RTP2: variants seen among roughly 807,000 people sequenced by gnomAD.
The protein encoded by RTP2 is receptor transporter protein 2, also known as receptor-transporting protein 2.
In RTP2, 12 loss-of-function variants were observed where a neutral mutation model predicts 17.9. That is an observed-to-expected ratio of 0.67 (90% CI 0.43 to 1.09). The LOEUF is 1.09. Ranked by LOEUF, RTP2 falls within the 50% of genes least tolerant of loss-of-function variation. The pLI is 0.00. For missense variants in RTP2, 327 were observed against 295.7 expected, an observed-to-expected ratio of 1.11 and a Z score of -0.78; for synonymous variants, 126 against 117.7, an observed-to-expected ratio of 1.07 and a Z score of -0.46.
intron 1 of RTP2, 132 bp downstream of exon 1, chr3:187,701,833 G>C: frequency 2.6e-6 from 2 of 772,190 alleles, no homozygotes; most frequent in South Asian, 4.8e-5. Context: ...CCAGCCGGCT[G>C]TCTTTGTCTT....
At chr3:187,698,774 A>G (rs749760843) in exon 2 of RTP2, 99 of 1,613,832 alleles carry the variant, frequency 6.1e-5, no homozygotes, top group Middle Eastern at 1.6e-4. Flanking sequence ...GGTACTGGCC[A>G]CCATCCTCCT....
At chr3:187,713,550 C>A in the RTP2 span, among the ~76,000 whole-genome samples, 15 of 152,162 alleles carry the variant, frequency 9.9e-5, no homozygotes, top group African/African-American at 3.6e-4. Context: ...GCTTTAGATA[C>A]CCTCTAGAGG....
At chr3:187,703,029 A>G (rs1368929669), upstream of RTP2, among the ~76,000 whole-genome samples, 2 of 152,078 alleles carry the variant, frequency 1.3e-5, no homozygotes, top group Non-Finnish European at 2.9e-5. Context: ...TGCCTCCATT[A>G]CTGCTGAGCT....
upstream of RTP2, among the ~76,000 whole-genome samples, chr3:187,705,624 G>A (rs935314593): frequency 1.2e-4 from 19 of 152,306 alleles, 1 homozygote; most frequent in Middle Eastern, 3.4e-3. Flanking sequence ...AGTCTCTCAC[G>A]ATAAATAGAA....
intron 1 of RTP2, among the ~76,000 whole-genome samples, chr3:187,701,111 A>C (rs988421867): frequency 9.8e-5 from 15 of 152,298 alleles, no homozygotes; most frequent in African/African-American, 3.6e-4. Flanking sequence ...CTTGAATCCA[A>C]GGACACAGGA....
At chr3:187,704,034 A>G (rs1238183621), upstream of RTP2, among the ~76,000 whole-genome samples, 1 of 152,232 alleles carries the variant, frequency 6.6e-6, no homozygotes, top group Non-Finnish European at 1.5e-5. Flanking sequence ...ATCTTATTCC[A>G]GAACCCACGA....
chr3:187,700,788 C>A (rs1717824889), intron 1 of RTP2, among the ~76,000 whole-genome samples: 1 of 152,214 alleles, frequency 6.6e-6, no homozygotes, highest in South Asian at 2.1e-4. Flanking sequence ...GTACACACAG[C>A]TAGTTAGAGG....
the RTP2 span, among the ~76,000 whole-genome samples, chr3:187,712,270 G>C: frequency 2.1e-4 from 32 of 152,150 alleles, no homozygotes; most frequent in East Asian, 6.0e-3. Flanking sequence ...CTTGCAGAAG[G>C]GTACACAGGA....
At chr3:187,713,357 G>A in the RTP2 span, among the ~76,000 whole-genome samples, 428 of 152,342 alleles carry the variant, frequency 2.8e-3, 4 homozygotes, top group African/African-American at 9.8e-3. Context: ...GTACACAAAT[G>A]TTACCAGTGG....
At chr3:187,715,112 C>T in the RTP2 span, among the ~76,000 whole-genome samples, 1 of 152,282 alleles carries the variant, frequency 6.6e-6, no homozygotes, top group Non-Finnish European at 1.5e-5. Flanking sequence ...TGTCCTGAGA[C>T]TCCTAGGAGG....
exon 1 of RTP2, chr3:187,702,262 C>A: frequency 1.2e-6 from 1 of 840,790 alleles, no homozygotes; most frequent in Non-Finnish European, 1.9e-6. Flanking sequence ...CAGGACCCAG[C>A]TCCCTCCTCT....
intron 1 of RTP2, among the ~76,000 whole-genome samples, chr3:187,699,786 T>C (rs73886459): frequency 0.089 from 7,831 of 88,396 alleles, 252 homozygotes; most frequent in South Asian, 0.18. Flanking sequence ...CACACACATA[T>C]ATTTTCTCTC....
chr3:187,705,753 C>T (rs953096514), upstream of RTP2, among the ~76,000 whole-genome samples: 7 of 152,150 alleles, frequency 4.6e-5, no homozygotes, highest in Non-Finnish European at 8.8e-5. Context: ...CAGTTAACTT[C>T]CTTGGAGACT....
chr3:187,709,559 C>T, the RTP2 span, among the ~76,000 whole-genome samples: 7 of 152,142 alleles, frequency 4.6e-5, no homozygotes, highest in Non-Finnish European at 7.3e-5. Context: ...GTGGTATGCC[C>T]TTGTAATCCC....
At chr3:187,707,504 G>A (rs1323696746), upstream of RTP2, among the ~76,000 whole-genome samples, 4 of 152,160 alleles carry the variant, frequency 2.6e-5, no homozygotes, top group Admixed American at 6.5e-5. Flanking sequence ...TCCCTAAGGA[G>A]GGGAAAGCAT....
chr3:187,711,663 T>C, the RTP2 span, among the ~76,000 whole-genome samples: 1 of 152,210 alleles, frequency 6.6e-6, no homozygotes, highest in Non-Finnish European at 1.5e-5. Context: ...ATATGATAAT[T>C]ACAACTTCAG....
the RTP2 span, among the ~76,000 whole-genome samples, chr3:187,714,682 C>T: frequency 6.6e-6 from 1 of 152,146 alleles, no homozygotes; most frequent in African/African-American, 2.4e-5. Context: ...TCCTTTGCTC[C>T]GTCACTCAAC....
chr3:187,701,421 T>G (rs1050324219), intron 1 of RTP2, among the ~76,000 whole-genome samples: 4 of 152,174 alleles, frequency 2.6e-5, no homozygotes, highest in African/African-American at 7.2e-5. Context: ...CCCCCTCATT[T>G]TGTAAATATA....
At chr3:187,700,408 T>A (rs1560136329) in intron 1 of RTP2, among the ~76,000 whole-genome samples, 1 of 152,188 alleles carries the variant, frequency 6.6e-6, no homozygotes, top group African/African-American at 2.4e-5. Context: ...TGGGCAGCAG[T>A]TCTTCAGCTC....
Sources: allele counts gnomAD v4.1 joint callset (sites outside exome capture counted in the v4.1 genomes callset), GRCh38; gene constraint gnomAD v4.1.1; transcripts MANE v1.5; gene names NCBI Gene and HGNC (gene_info 2026-07-23, HGNC 2026-07-21).